P2RX7: variants seen among roughly 807,000 people sequenced by gnomAD.
The protein encoded by P2RX7 is P2X purinoceptor 7.
P2RX7 carries 62 observed loss-of-function variants against 71.6 expected under a neutral mutation model. The ratio of observed to expected loss-of-function variants is 0.87; its 90% CI spans 0.71 to 1.07. The LOEUF (loss-of-function observed/expected upper bound fraction) is 1.07. P2RX7 is among the 50% of genes least tolerant of loss of function. The probability of loss-of-function intolerance (pLI) is 0.00; values close to 1 mark genes in which losing one functional copy is unlikely to be tolerated. For missense variants in P2RX7, 686 were observed against 748.5 expected, an observed-to-expected ratio of 0.92 and a Z score of 0.97; for synonymous variants, 299 against 283.3, an observed-to-expected ratio of 1.06 and a Z score of -0.56.
At chr12:121,167,020 C>A (rs951915995) in intron 7 of P2RX7, among the ~76,000 whole-genome samples, 1 of 150,774 alleles carries the variant, frequency 6.6e-6, no homozygotes, top group East Asian at 1.9e-4. Flanking sequence ...CCACTGCACT[C>A]CAGCCTAGGT....
In P2RX7 at chr12:121,187,016, A is replaced by C. The variant is rs1437566453; in HGVS notation, c.*2214A>C. 2.6e-5 allele frequency: 4 copies of C among 152,188 alleles called. No homozygotes were observed. Among genetic ancestry groups the C allele is most frequent in the Non-Finnish European group, 5.9e-5 (4 of 68,038 alleles). The allele number at this position is 152,188 out of a possible 1,614,324, so 9.4% of individuals were successfully genotyped here. On this transcript the variant is annotated 3_prime_UTR_variant, in exon 13 of 13. Transcript: ENST00000328963. Reference sequence around the variant, plus strand: ...CTGCTTCAAAAGCAACCCACACCACACTTTTACCATTTCCATACATCAACT... The same window carrying C: ...CTGCTTCAAAAGCAACCCACACCACCCTTTTACCATTTCCATACATCAACT...
chr12:121,159,471 G>T lies in P2RX7; in HGVS notation c.364-1431G>T, dbSNP rs148648926. Among the ~76,000 whole-genome samples the T allele has an allele frequency of 9.5e-4, 138 of 145,396 alleles. 1 individual carries two copies. Among genetic ancestry groups the T allele is most frequent in the African/African-American group, 3.0e-3 (117 of 39,538 alleles). On this transcript the variant is annotated intron_variant, in intron 3 of 12. Transcript: ENST00000328963. ...ATCTGTTCACCCTGCTTTTACAGAT[G>T]AACAGTGAGCTGGCCAAGGTCTCTC...
At position 121,166,262 on chromosome 12, in the gene P2RX7, G is replaced by A. The variant is rs180733199; in HGVS notation, c.744+75G>A. 4.1e-5 allele frequency: 61 copies of A among 1,478,806 alleles called. No homozygotes were observed. The African/African-American group carries it at 5.4e-4, about 13-fold the overall frequency. 91.6% of individuals were successfully genotyped at this position (1,478,806 alleles called of 1,614,324 possible). ...GAGGATGTCAAACAGCCAAGAGGCC[G>A]GGCCACTGGGTCTTCATAATGTGGC... On this transcript the variant is annotated intron_variant, in intron 7 of 12. Transcript: ENST00000328963.
At chr12:121,166,308 G>A in intron 7 of P2RX7, 121 bp downstream of exon 7, 1 of 1,085,008 alleles carries the variant, frequency 9.2e-7, no homozygotes, top group Non-Finnish European at 1.3e-6. Flanking sequence ...TGAGCATTTA[G>A]TAAATCCACC....
intron 11 of P2RX7, among the ~76,000 whole-genome samples, chr12:121,179,354 G>T (rs12227242): frequency 6.6e-6 from 1 of 152,016 alleles, no homozygotes; most frequent in African/African-American, 2.4e-5. Context: ...CAAAAAATTA[G>T]CCAGGCATGG....
intron 8 of P2RX7, among the ~76,000 whole-genome samples, chr12:121,169,330 T>C (rs185818707): frequency 2.7e-4 from 41 of 152,280 alleles, no homozygotes; most frequent in Middle Eastern, 3.4e-3. Context: ...ATTGTTCCAG[T>C]GAGTCCCATT....
At chr12:121,161,443 A>T (rs1341241940) in intron 4 of P2RX7, among the ~76,000 whole-genome samples, 1 of 152,098 alleles carries the variant, frequency 6.6e-6, no homozygotes, top group Non-Finnish European at 1.5e-5. Flanking sequence ...ATTTATATCT[A>T]AGTGCAGTGC....
At position 121,165,450 on chromosome 12, in the gene P2RX7, G is replaced by C. The variant is rs746307034; in HGVS notation, c.614+13G>C. 5.0e-6 allele frequency: 8 copies of C among 1,606,220 alleles called. No individual in the cohort carries two copies. The highest frequency in any genetic ancestry group is 6.8e-6 in the Non-Finnish European group (8 of 1,172,856). On this transcript the variant is annotated intron_variant, in intron 6 of 12. Coordinates refer to ENST00000328963, the MANE Select transcript of P2RX7 (RefSeq NM_002562.6). ...ACAACTACACCACGTAAGTGCCCAGGCTGCCTGGCTGTCTTAGTTATCTAC... is the reference window on the plus strand; with the variant it reads ...ACAACTACACCACGTAAGTGCCCAGCCTGCCTGGCTGTCTTAGTTATCTAC...
chr12:121,161,066 G>A, intron 4 of P2RX7, 92 bp downstream of exon 4: 2 of 928,676 alleles, frequency 2.2e-6, no homozygotes, highest in South Asian at 1.3e-5. Flanking sequence ...TTCAGCCTCT[G>A]CTCTCAGCTG....
At chr12:121,142,973 C>T (rs1875305093) in intron 1 of P2RX7, among the ~76,000 whole-genome samples, 2 of 151,216 alleles carry the variant, frequency 1.3e-5, no homozygotes, top group Non-Finnish European at 2.9e-5. Flanking sequence ...CCCAGCTACT[C>T]AGGAGACTGA....
Position 121,184,437 on chromosome 12 carries a change from GTC to G in P2RX7, c.1425_1426del (p.Trp476ValfsTer13). 6.2e-7 allele frequency: 1 copy of G among 1,614,162 alleles called. No individual in the cohort carries two copies. ...GACTCCTAGATCCAGGGATAGCCCC[GTC>G]TGGTGCCAGTGTGGAAGCTGCCTCC... is the stretch of plus-strand genomic sequence containing the variant. ...EATPRSRDSP[V>X]WCQCGSCLPS... On this transcript the variant is annotated frameshift_variant, in exon 13 of 13. Transcript: ENST00000328963. LOFTEE classifies it high-confidence loss of function.
intron 7 of P2RX7, among the ~76,000 whole-genome samples, chr12:121,167,083 C>T (rs909164837): frequency 6.6e-6 from 1 of 151,014 alleles, no homozygotes; most frequent in Non-Finnish European, 1.5e-5. Flanking sequence ...TTCATGTATT[C>T]GCATCTGCAA....
chr12:121,175,941 A>G (rs919598249), intron 9 of P2RX7, among the ~76,000 whole-genome samples: 1 of 152,106 alleles, frequency 6.6e-6, no homozygotes, highest in East Asian at 1.9e-4. Context: ...CGTGTCTTAT[A>G]TACGTCCTCC....
intron 7 of P2RX7, among the ~76,000 whole-genome samples, chr12:121,166,429 A>G (rs551957564): frequency 4.6e-5 from 7 of 152,312 alleles, no homozygotes; most frequent in African/African-American, 1.7e-4. Context: ...CAAGTTATCA[A>G]AGCTTAGTGG....
intron 1 of P2RX7, 38 bp downstream of exon 1, chr12:121,133,133 G>A: frequency 6.2e-7 from 1 of 1,612,530 alleles, no homozygotes. Flanking sequence ...TCTCTGCAGT[G>A]GCCGACAGCA....
At chr12:121,183,292 C>T (rs1473828636) in intron 12 of P2RX7, among the ~76,000 whole-genome samples, 1 of 150,994 alleles carries the variant, frequency 6.6e-6, no homozygotes, top group African/African-American at 2.4e-5. Context: ...AAGTCATGGC[C>T]GGGTGCAGTG....
At chr12:121,135,669 C>T (rs915817528) in intron 1 of P2RX7, among the ~76,000 whole-genome samples, 2 of 151,660 alleles carry the variant, frequency 1.3e-5, no homozygotes, top group Non-Finnish European at 2.9e-5. Context: ...TATTATTATT[C>T]GATTCATATG....
At chr12:121,176,818 T>G (rs1883235338) in intron 9 of P2RX7, among the ~76,000 whole-genome samples, 1 of 149,858 alleles carries the variant, frequency 6.7e-6, no homozygotes, top group South Asian at 2.1e-4. Context: ...TCTGAAGTAA[T>G]GTCAAACCTT....
At chr12:121,167,423 G>T in intron 7 of P2RX7, 65 bp from the exon 8 acceptor site, 2 of 1,585,514 alleles carry the variant, frequency 1.3e-6, no homozygotes, top group Non-Finnish European at 1.7e-6. Flanking sequence ...TATGCAGGGA[G>T]ATGTCTGGCG....
Sources: gnomAD v4.1 joint callset for allele counts (sites outside exome capture counted in the v4.1 genomes callset) on GRCh38, gnomAD v4.1.1 for gene constraint, MANE v1.5 for transcripts, NCBI Gene and HGNC (gene_info 2026-07-23, HGNC 2026-07-21) for gene names.